LRIG1: variants seen among roughly 807,000 people sequenced by gnomAD.
LRIG1 encodes leucine-rich repeats and immunoglobulin-like domains protein 1.
Under a neutral mutation model 99.2 loss-of-function variants are expected in LRIG1, and 48 were observed. That is an observed-to-expected ratio of 0.48 (90% CI 0.38 to 0.62). The LOEUF (loss-of-function observed/expected upper bound fraction) is 0.62, where lower values mean the gene tolerates loss of function less well. Among genes scored for constraint, LRIG1 ranks in the 20% least tolerant of loss-of-function variants. LRIG1 has a pLI of 0.00. For missense variants in LRIG1, 1,646 were observed against 1,434.4 expected (o/e 1.15, Z -2.38); for synonymous variants, 772 against 596.1 (o/e 1.29, Z -4.30).
chr3:66,410,405 G>A (rs954415616), intron 6 of LRIG1, 133 bp from the exon 7 acceptor site: 2 of 798,134 alleles, frequency 2.5e-6, no homozygotes, highest in Non-Finnish European at 4.0e-6. Flanking sequence ...CAGAACTGTG[G>A]AGTCTAGTCG....
chr3:66,487,818 T>C (rs2106914435), intron 1 of LRIG1, among the ~76,000 whole-genome samples: 1 of 152,276 alleles, frequency 6.6e-6, no homozygotes, highest in African/African-American at 2.4e-5. Context: ...TCATCTTTGG[T>C]TCTTAAAGGG....
chr3:66,385,532 A>C (rs1418261756), intron 13 of LRIG1, among the ~76,000 whole-genome samples: 2 of 152,074 alleles, frequency 1.3e-5, no homozygotes, highest in African/African-American at 2.4e-5. Context: ...GGCTCACTGC[A>C]ACGTCCACCT....
intron 3 of LRIG1, among the ~76,000 whole-genome samples, chr3:66,426,182 A>C (rs1202006036): frequency 6.6e-6 from 1 of 152,238 alleles, no homozygotes; most frequent in African/African-American, 2.4e-5. Flanking sequence ...CAGCAAACTT[A>C]TTCTACATTG....
intron 1 of LRIG1, among the ~76,000 whole-genome samples, chr3:66,484,486 C>T (rs1700924680): frequency 6.6e-6 from 1 of 152,196 alleles, no homozygotes; most frequent in Admixed American, 6.5e-5. Context: ...AAGGGAACGT[C>T]AGCCATGGTT....
At chr3:66,464,046 C>T (rs567601488) in intron 1 of LRIG1, among the ~76,000 whole-genome samples, 1 of 152,210 alleles carries the variant, frequency 6.6e-6, no homozygotes, top group East Asian at 1.9e-4. Flanking sequence ...TTAATGGGTA[C>T]CCAGAAATCC....
chr3:66,456,982 A>G (rs1700241164), intron 2 of LRIG1, among the ~76,000 whole-genome samples: 2 of 152,150 alleles, frequency 1.3e-5, no homozygotes, highest in East Asian at 3.9e-4. Context: ...GGCAGTGAAG[A>G]CCGTGTGGCT....
intron 1 of LRIG1, among the ~76,000 whole-genome samples, chr3:66,468,565 T>C (rs1294377330): frequency 1.3e-5 from 2 of 152,210 alleles, no homozygotes; most frequent in African/African-American, 4.8e-5. Flanking sequence ...ACTGCATTAA[T>C]ACAGCTGGAA....
intron 1 of LRIG1, among the ~76,000 whole-genome samples, chr3:66,489,097 T>C (rs1011112538): frequency 3.9e-5 from 6 of 152,206 alleles, no homozygotes; most frequent in Middle Eastern, 3.2e-3. Flanking sequence ...AGCACCACTT[T>C]CTTTGTGGAG....
At chr3:66,424,054 G>A (rs1702901082) in intron 3 of LRIG1, among the ~76,000 whole-genome samples, 1 of 152,140 alleles carries the variant, frequency 6.6e-6, no homozygotes, top group Non-Finnish European at 1.5e-5. Flanking sequence ...AGGAACGAAG[G>A]GCTGACTCAG....
intron 3 of LRIG1, among the ~76,000 whole-genome samples, chr3:66,419,295 G>A (rs886154082): frequency 2.6e-4 from 40 of 152,082 alleles, no homozygotes; most frequent in African/African-American, 6.5e-4. Context: ...TCTGTGGTCC[G>A]GTACCTTTTG....
At chr3:66,407,203 G>A in intron 8 of LRIG1, 145 bp downstream of exon 8, 1 of 764,248 alleles carries the variant, frequency 1.3e-6, no homozygotes, top group Non-Finnish European at 2.1e-6. Context: ...ATAAAAGTTT[G>A]AGACTCTGCA....
chr3:66,410,610 G>A (rs922281532), intron 6 of LRIG1, among the ~76,000 whole-genome samples: 5 of 152,344 alleles, frequency 3.3e-5, no homozygotes, highest in Non-Finnish European at 7.3e-5. Context: ...GGCCGAAGAA[G>A]GAGGATCGCT....
rs191864522 is a variant in LRIG1, at chr3:66,457,035, C to T, written c.291-5402G>A. ...GCGTCCTCATGTCCTCCAGGGGCCT[C>T]GCCTTCTCTCTCCAGCCGGCCCATG... On this transcript the variant is annotated intron_variant, in intron 2 of 18. Transcript: ENST00000273261. Among the ~76,000 whole-genome samples, 20 of 152,238 alleles carry T rather than the reference C, an allele frequency of 1.3e-4. 1 individual carries two copies. Among genetic ancestry groups the T allele is most frequent in the Non-Finnish European group, 2.1e-4 (14 of 68,020 alleles).
intron 11 of LRIG1, among the ~76,000 whole-genome samples, chr3:66,396,028 G>A (rs1575657261): frequency 6.6e-6 from 1 of 152,248 alleles, no homozygotes; most frequent in Non-Finnish European, 1.5e-5. Context: ...AAACAAATTT[G>A]ACATTTATCT....
intron 3 of LRIG1, among the ~76,000 whole-genome samples, chr3:66,440,487 A>G (rs1703505515): frequency 6.6e-6 from 1 of 152,216 alleles, no homozygotes; most frequent in Admixed American, 6.5e-5. Context: ...GGTTTTCTGT[A>G]AGCTTCAACT....
chr3:66,478,244 G>GTGC (rs1248796344), intron 1 of LRIG1, among the ~76,000 whole-genome samples: 1 of 152,196 alleles, frequency 6.6e-6, no homozygotes, highest in Non-Finnish European at 1.5e-5. Flanking sequence ...ACTAATTTCA[G>GTGC]TGCATGTAGG....
chr3:66,381,003 A>G, intron 17 of LRIG1, 142 bp from the exon 18 acceptor site: 2 of 778,988 alleles, frequency 2.6e-6, no homozygotes, highest in Non-Finnish European at 4.1e-6. Flanking sequence ...CTTTTCCCCA[A>G]CTATGTCCCC....
rs372545619 is a variant in LRIG1 at position 66,389,766 on chromosome 3, G to A, written c.1469-3465C>T. The stretch of plus-strand genomic sequence containing the variant: ...CAACAACGGATAGAACTAGTCAGAA[G>A]ATCAAGGAAACAGAAGACTTCAACA... On this transcript the variant is annotated intron_variant, in intron 12 of 18. Coordinates refer to ENST00000273261, the MANE Select transcript of LRIG1 (RefSeq NM_015541.3). Among the ~76,000 whole-genome samples, 7 of 152,158 alleles carry A rather than the reference G, an allele frequency of 4.6e-5. No individual in the cohort carries two copies. The East Asian group carries it at 1.2e-3, about 25-fold the overall frequency.
intron 3 of LRIG1, among the ~76,000 whole-genome samples, chr3:66,433,061 T>C (rs1476441000): frequency 6.6e-6 from 1 of 152,172 alleles, no homozygotes; most frequent in Non-Finnish European, 1.5e-5. Context: ...AGCGGCCATG[T>C]CCCCATCCTA....
Sources: allele counts gnomAD v4.1 joint callset (sites outside exome capture counted in the v4.1 genomes callset), GRCh38; gene constraint gnomAD v4.1.1; transcripts MANE v1.5; gene names NCBI Gene and HGNC (gene_info 2026-07-23, HGNC 2026-07-21).